MICU1: variants seen among roughly 807,000 people sequenced by gnomAD.
MICU1 encodes the protein calcium uptake protein 1, mitochondrial.
MICU1 carries 45 observed loss-of-function variants against 56.8 expected under a neutral mutation model. The ratio of observed to expected loss-of-function variants is 0.79; its 90% confidence interval spans 0.62 to 1.02. The LOEUF is 1.02. MICU1 is among the 50% of genes least tolerant of loss of function. The pLI is 0.00. For missense variants in MICU1, 504 were observed against 587.1 expected, an observed-to-expected ratio of 0.86 and a Z score of 1.46; for synonymous variants, 186 against 195.1, an observed-to-expected ratio of 0.95 and a Z score of 0.39.
intron 3 of MICU1, among the ~76,000 whole-genome samples, chr10:72,553,280 C>T (rs942319164): frequency 1.6e-4 from 24 of 147,014 alleles, no homozygotes; most frequent in Non-Finnish European, 3.3e-4. Flanking sequence ...GTTGCCCAGG[C>T]TGGAGTGCAC....
intron 6 of MICU1, among the ~76,000 whole-genome samples, chr10:72,491,641 G>C (rs1866657954): frequency 6.6e-6 from 1 of 152,124 alleles, no homozygotes; most frequent in South Asian, 2.1e-4. Context: ...TTCAGGCCCG[G>C]AGTTCGAGAG....
intron 10 of MICU1, among the ~76,000 whole-genome samples, chr10:72,399,327 G>A (rs1444423042): frequency 6.6e-6 from 1 of 152,060 alleles, no homozygotes; most frequent in Non-Finnish European, 1.5e-5. Flanking sequence ...TCGGGGGCTG[G>A]GGGAGGGATA....
At chr10:72,501,770 T>G (rs1867075498) in intron 6 of MICU1, 1 of 152,162 alleles carries the variant, frequency 6.6e-6, no homozygotes, top group Non-Finnish European at 1.5e-5. Flanking sequence ...AGTAAGAAAT[T>G]CATGCCACTG....
At chr10:72,494,939 T>G (rs1393767102) in intron 6 of MICU1, among the ~76,000 whole-genome samples, 1 of 152,210 alleles carries the variant, frequency 6.6e-6, no homozygotes, top group East Asian at 1.9e-4. Context: ...AGCCTATCTA[T>G]GAGCTTTATC....
At chr10:72,388,453 G>A (rs1290920594) in intron 10 of MICU1, among the ~76,000 whole-genome samples, 1 of 152,150 alleles carries the variant, frequency 6.6e-6, no homozygotes, top group East Asian at 1.9e-4. Context: ...TGTCTACTAA[G>A]GCGTTCCTAT....
intron 8 of MICU1, among the ~76,000 whole-genome samples, chr10:72,451,035 T>C (rs1458687317): frequency 1.3e-5 from 2 of 149,384 alleles, no homozygotes; most frequent in Non-Finnish European, 3.0e-5. Flanking sequence ...TTTTTTTTTT[T>C]TTTTTTTTGA....
At chr10:72,546,082 G>T (rs1054549901) in intron 4 of MICU1, among the ~76,000 whole-genome samples, 19 of 152,300 alleles carry the variant, frequency 1.2e-4, no homozygotes, top group African/African-American at 4.6e-4. Flanking sequence ...CTTTGGCTAA[G>T]GGGAGGGGTC....
intron 9 of MICU1, among the ~76,000 whole-genome samples, chr10:72,412,048 A>G (rs1863832821): frequency 6.6e-6 from 1 of 152,220 alleles, no homozygotes; most frequent in Non-Finnish European, 1.5e-5. Flanking sequence ...GGGAAATTGT[A>G]TTGGACACAG....
At chr10:72,505,810 C>T (rs1390868881) in intron 6 of MICU1, among the ~76,000 whole-genome samples, 1 of 152,112 alleles carries the variant, frequency 6.6e-6, no homozygotes, top group Non-Finnish European at 1.5e-5. Context: ...GGGACTACTA[C>T]AGAGGGTAGA....
chr10:72,480,194 A>G (rs536211989), intron 6 of MICU1, among the ~76,000 whole-genome samples: 1 of 152,374 alleles, frequency 6.6e-6, no homozygotes, highest in African/African-American at 2.4e-5. Flanking sequence ...GAAGGCAGAA[A>G]TTATAGAACT....
intron 8 of MICU1, among the ~76,000 whole-genome samples, chr10:72,450,061 TA>T (rs1381859009): frequency 6.6e-6 from 1 of 152,000 alleles, no homozygotes; most frequent in Non-Finnish European, 1.5e-5. Context: ...ACTAAGGAAA[TA>T]ATGGCGGGCC....
chr10:72,502,163 T>TTGTTTG (rs1564906003), intron 6 of MICU1, among the ~76,000 whole-genome samples: 1 of 140,516 alleles, frequency 7.1e-6, no homozygotes, highest in Non-Finnish European at 1.5e-5. Flanking sequence ...TTTTTGTTTT[T>TTGTTTG]TTTTTTTTTT....
chr10:72,398,680 T>C (rs926480181), intron 10 of MICU1, among the ~76,000 whole-genome samples: 18 of 151,902 alleles, frequency 1.2e-4, no homozygotes, highest in African/African-American at 4.1e-4. Context: ...ACAAATAAAC[T>C]AGAAAATCTA....
At chr10:72,560,964 AT>A (rs765380504) in intron 3 of MICU1, among the ~76,000 whole-genome samples, 1 of 152,262 alleles carries the variant, frequency 6.6e-6, no homozygotes, top group Non-Finnish European at 1.5e-5. Flanking sequence ...TATATAGATT[AT>A]GTAAAAGAAT....
intron 8 of MICU1, among the ~76,000 whole-genome samples, chr10:72,426,566 T>A (rs1864355826): frequency 6.6e-6 from 1 of 151,818 alleles, no homozygotes; most frequent in South Asian, 2.1e-4. Context: ...CCTGGCTAAT[T>A]TTTGCATTTT....
At chr10:72,601,230 T>G (rs1279645999) in intron 1 of MICU1, among the ~76,000 whole-genome samples, 7 of 152,028 alleles carry the variant, frequency 4.6e-5, no homozygotes, top group Admixed American at 3.3e-4. Flanking sequence ...AAGACCAGCC[T>G]GGGCAAAATA....
At chr10:72,455,120 T>C (rs1465000289) in intron 8 of MICU1, among the ~76,000 whole-genome samples, 2 of 151,806 alleles carry the variant, frequency 1.3e-5, no homozygotes, top group Admixed American at 6.6e-5. Flanking sequence ...GAGGCCGAGG[T>C]AGGTGGATCA....
chr10:72,455,334 G>C (rs1437587134), intron 8 of MICU1, among the ~76,000 whole-genome samples: 1 of 93,900 alleles, frequency 1.1e-5, no homozygotes, highest in African/African-American at 4.1e-5. Flanking sequence ...TGGGAAACAA[G>C]AGCAAGACTC....
At chr10:72,438,574 C>A (rs535000244) in intron 8 of MICU1, among the ~76,000 whole-genome samples, 2 of 152,094 alleles carry the variant, frequency 1.3e-5, no homozygotes, top group African/African-American at 4.8e-5. Flanking sequence ...GAGATAGAGA[C>A]ACAAAAACCC....
Sources: gnomAD v4.1 joint callset for allele counts (sites outside exome capture counted in the v4.1 genomes callset) on GRCh38, gnomAD v4.1.1 for gene constraint, MANE v1.5 for transcripts, NCBI Gene and HGNC (gene_info 2026-07-23, HGNC 2026-07-21) for gene names.